CFAP221: variants seen among roughly 807,000 people sequenced by gnomAD.
CFAP221 encodes the protein cilia and flagella associated protein 221, also known as cilia- and flagella-associated protein 221.
In CFAP221, 97 loss-of-function variants were observed where a neutral mutation model predicts 113.1. The observed-to-expected ratio is 0.86, with a 90% CI of 0.73 to 1.02. The LOEUF (loss-of-function observed/expected upper bound fraction) is 1.02. Ranked by LOEUF, CFAP221 falls within the 50% of genes least tolerant of loss-of-function variation. The probability of loss-of-function intolerance (pLI) is 0.00; values close to 1 mark genes in which losing one functional copy is unlikely to be tolerated. For synonymous variants in CFAP221, 331 were observed against 354.4 expected, an observed-to-expected ratio of 0.93 and a Z score of 0.74; for missense variants, 1,025 against 1,013.4, an observed-to-expected ratio of 1.01 and a Z score of -0.16.
chr2:119,656,267 C>G (rs1688426633), intron 23 of CFAP221, 95 bp from the exon 24 acceptor site: 5 of 893,764 alleles, frequency 5.6e-6, no homozygotes, highest in Non-Finnish European at 9.1e-6. Flanking sequence ...AAACGAAATG[C>G]TCCTCCGACC....
At chr2:119,630,329 C>T (rs917599284) in intron 17 of CFAP221, among the ~76,000 whole-genome samples, 1 of 152,148 alleles carries the variant, frequency 6.6e-6, no homozygotes, top group African/African-American at 2.4e-5. Context: ...ACACTTAAGC[C>T]GTGTAGTATG....
intron 6 of CFAP221, among the ~76,000 whole-genome samples, chr2:119,578,966 T>G (rs1011922555): frequency 2.0e-5 from 3 of 152,142 alleles, no homozygotes; most frequent in African/African-American, 7.2e-5. Context: ...TTTATTATAT[T>G]TGCTTTCTGT....
chr2:119,595,068 C>T (rs893479930), intron 7 of CFAP221, among the ~76,000 whole-genome samples: 3 of 152,234 alleles, frequency 2.0e-5, no homozygotes, highest in Admixed American at 6.5e-5. Context: ...CTCCTCCCTC[C>T]CTACCAGGTC....
intron 22 of CFAP221, chr2:119,648,500 A>C (rs1346354848): frequency 1.1e-5 from 3 of 284,418 alleles, no homozygotes; most frequent in African/African-American, 2.3e-5. Flanking sequence ...AGCACAAAGA[A>C]GGCCACCAGC....
chr2:119,574,723 C>T (rs1306071172), intron 6 of CFAP221, among the ~76,000 whole-genome samples: 2 of 152,176 alleles, frequency 1.3e-5, no homozygotes, highest in Non-Finnish European at 2.9e-5. Context: ...CACACACTCA[C>T]ATACATGCAC....
At chr2:119,605,340 GTGA>G (rs765374247) in intron 11 of CFAP221, 51 bp downstream of exon 11, 9 of 1,372,970 alleles carry the variant, frequency 6.6e-6, no homozygotes, top group East Asian at 4.6e-5. Context: ...TTATTTTTAG[GTGA>G]TGATCTTTTA....
At chr2:119,614,760 A>G (rs1449006559) in intron 13 of CFAP221, among the ~76,000 whole-genome samples, 1 of 152,190 alleles carries the variant, frequency 6.6e-6, no homozygotes, top group African/African-American at 2.4e-5. Flanking sequence ...TAAAAGTCCA[A>G]CTTTTAATTT....
chr2:119,585,209 C>G (rs1683125947), intron 6 of CFAP221, among the ~76,000 whole-genome samples: 1 of 152,158 alleles, frequency 6.6e-6, no homozygotes, highest in Non-Finnish European at 1.5e-5. Context: ...AAACAAACAA[C>G]ATACTATATA....
intron 6 of CFAP221, among the ~76,000 whole-genome samples, chr2:119,576,046 G>A (rs892771318): frequency 4.6e-5 from 7 of 152,196 alleles, no homozygotes; most frequent in African/African-American, 1.7e-4. Flanking sequence ...ACTAAGTCAG[G>A]TTGAAGAGGG....
At chr2:119,571,967 T>G (rs561266754) in intron 6 of CFAP221, among the ~76,000 whole-genome samples, 36 of 100,190 alleles carry the variant, frequency 3.6e-4, no homozygotes, top group African/African-American at 1.5e-3. Flanking sequence ...GCCCCTTACT[T>G]TGGGGCTGCC....
rs528376791 is a variant in CFAP221, at chr2:119,624,601, CAA to C, written c.1411-980_1411-979del. 1.8e-4 allele frequency among the ~76,000 whole-genome samples: 28 copies of C among 152,246 alleles called. No individual in the cohort carries two copies. In the East Asian group the frequency reaches 5.2e-3, roughly 28 times the overall value. On this transcript the variant is annotated intron_variant, in intron 14 of 23. Coordinates refer to ENST00000413369, the MANE Select transcript of CFAP221 (RefSeq NM_001271049.2). ...TTTATTGCAGCACTATTCACAATAG[CAA>C]AGACTTGGAACCAACCCAAATGCCC...
In CFAP221 at chr2:119,611,576, G is replaced by C. The variant is rs962670055; in HGVS notation, c.1222-77G>C. ...GTGGATTTGGCCAATTGCTTAATGGGTTTCTACAAGTTTTAAAGACAAATT... is the reference window on the plus strand; with the variant it reads ...GTGGATTTGGCCAATTGCTTAATGGCTTTCTACAAGTTTTAAAGACAAATT... On this transcript the variant is annotated intron_variant, in intron 12 of 23. Coordinates refer to ENST00000413369, the MANE Select transcript of CFAP221 (RefSeq NM_001271049.2). The C allele has an allele frequency of 8.9e-6, 12 of 1,352,302 alleles. No individual in the cohort carries two copies. The African/African-American group carries it at 1.5e-4, about 17-fold the overall frequency. The allele number at this position is 1,352,302 out of a possible 1,614,324, so 83.8% of individuals were successfully genotyped here. A position where few individuals can be genotyped will look rare whatever the true frequency, so the allele number is the denominator to read the frequency against.
At position 119,602,018 on chromosome 2, in the gene CFAP221, G is replaced by T. The variant is rs984213072; in HGVS notation, c.791+641G>T. On this transcript the variant is annotated intron_variant, in intron 8 of 23. Transcript: ENST00000413369. ...TCCATTTCCATTTGAATATGAGCTTGTACTTTTACATGTCAGTACCTCTGG... is the reference window on the plus strand; with the variant it reads ...TCCATTTCCATTTGAATATGAGCTTTTACTTTTACATGTCAGTACCTCTGG... Among the ~76,000 whole-genome samples, 3 of 152,278 alleles carry T rather than the reference G, an allele frequency of 2.0e-5. No individual in the cohort carries two copies. The South Asian group carries it at 6.2e-4, about 32-fold the overall frequency.
chr2:119,605,387 A>G, intron 11 of CFAP221, 98 bp downstream of exon 11: 1 of 948,888 alleles, frequency 1.1e-6, no homozygotes, highest in South Asian at 1.6e-5. Context: ...ATAACCTTTT[A>G]GGTACTTTGG....
intron 8 of CFAP221, among the ~76,000 whole-genome samples, chr2:119,603,337 G>T (rs775869620): frequency 6.6e-6 from 1 of 152,172 alleles, no homozygotes; most frequent in Non-Finnish European, 1.5e-5. Context: ...GTGGTGTCAA[G>T]GCTCCACTGA....
At chr2:119,576,195 T>C (rs916670339) in intron 6 of CFAP221, among the ~76,000 whole-genome samples, 3 of 152,238 alleles carry the variant, frequency 2.0e-5, no homozygotes, top group Non-Finnish European at 4.4e-5. Context: ...TCATTTCTTT[T>C]CCTTCAACTT....
chr2:119,557,259 AG>A (rs1407633743), intron 3 of CFAP221: 2 of 152,238 alleles, frequency 1.3e-5, no homozygotes, highest in Non-Finnish European at 2.9e-5. Flanking sequence ...GCCTTGCTAC[AG>A]GTGGTCGGCT....
intron 13 of CFAP221, among the ~76,000 whole-genome samples, chr2:119,615,350 A>G (rs1189380156): frequency 6.6e-6 from 1 of 152,190 alleles, no homozygotes; most frequent in Non-Finnish European, 1.5e-5. Context: ...TCAAAGTCAC[A>G]TGTGTTTGCT....
rs1573962561 is a variant in CFAP221, at chr2:119,546,081, C to G, written c.-47-4C>G. On this transcript the variant is annotated splice_polypyrimidine_tract_variant and splice_region_variant and intron_variant, in intron 1 of 23. Coordinates refer to ENST00000413369, the MANE Select transcript of CFAP221 (RefSeq NM_001271049.2). ...TGATTATACTGCTGCTCTTTCCTCC[C>G]CAGGACATGACCTTTGGCTCTAAAA... 2.7e-6 allele frequency: 4 copies of G among 1,493,512 alleles called. No individual in the cohort carries two copies. In the East Asian group the frequency reaches 9.8e-5, roughly 37 times the overall value. The allele number at this position is 1,493,512 out of a possible 1,614,324, so 92.5% of individuals were successfully genotyped here.
Sources: allele counts gnomAD v4.1 joint callset (sites outside exome capture counted in the v4.1 genomes callset), GRCh38; gene constraint gnomAD v4.1.1; transcripts MANE v1.5; gene names NCBI Gene and HGNC (gene_info 2026-07-23, HGNC 2026-07-21).